CRISP2: variants seen among roughly 807,000 people sequenced by gnomAD.
The protein encoded by CRISP2 is cysteine-rich secretory protein 2.
Under a neutral mutation model 31.7 loss-of-function variants are expected in CRISP2, and 29 were observed. The observed-to-expected ratio is 0.92, with a 90% CI of 0.68 to 1.25. The LOEUF (loss-of-function observed/expected upper bound fraction) is 1.25, where lower values mean the gene tolerates loss of function less well. Ranked by LOEUF, CRISP2 falls within the 50% of genes most tolerant of loss-of-function variation. CRISP2 has a pLI of 0.00. For missense variants in CRISP2, 318 were observed against 286.5 expected (o/e 1.11, Z -0.79); for synonymous variants, 111 against 101.4 (o/e 1.09, Z -0.57).
chr6:49,708,679 G>A (rs1767481828), intron 4 of CRISP2, among the ~76,000 whole-genome samples: 1 of 152,162 alleles, frequency 6.6e-6, no homozygotes, highest in African/African-American at 2.4e-5. Context: ...CCATAACTGT[G>A]AGAGAATAAG....
chr6:49,700,221 A>G (rs1765433983), intron 5 of CRISP2, among the ~76,000 whole-genome samples: 1 of 152,168 alleles, frequency 6.6e-6, no homozygotes, highest in African/African-American at 2.4e-5. Flanking sequence ...TAATAGTAAT[A>G]AGATGGCCAA....
chr6:49,696,275 A>G (rs1764730777), intron 8 of CRISP2, among the ~76,000 whole-genome samples: 1 of 152,160 alleles, frequency 6.6e-6, no homozygotes, highest in Non-Finnish European at 1.5e-5. Context: ...GGGGTAAAAC[A>G]TCCTGTAGAG....
chr6:49,685,695 A>G, the CRISP2 span, among the ~76,000 whole-genome samples: 1 of 152,182 alleles, frequency 6.6e-6, no homozygotes, highest in Admixed American at 6.5e-5. Context: ...ATTTGTTTGC[A>G]GTTTTTATCT....
chr6:49,680,507 G>C, the CRISP2 span, among the ~76,000 whole-genome samples: 3 of 152,000 alleles, frequency 2.0e-5, no homozygotes, highest in Admixed American at 2.0e-4. Context: ...TATTCCTTTG[G>C]GTATATACCC....
downstream of CRISP2, among the ~76,000 whole-genome samples, chr6:49,689,874 A>G (rs1763994920): frequency 6.6e-6 from 1 of 152,086 alleles, no homozygotes; most frequent in Non-Finnish European, 1.5e-5. Context: ...TTCTTTCCAG[A>G]GAGAAACCAA....
At chr6:49,682,577 CTTTCTTTCTTTT>C in the CRISP2 span, among the ~76,000 whole-genome samples, 1,997 of 97,618 alleles carry the variant, frequency 0.02, 68 homozygotes, top group African/African-American at 0.074. Flanking sequence ...CTTTCTTTTT[CTTTCTTTCTTTT>C]TCTTTCTTTC....
At chr6:49,691,207 TTC>T (rs2127379662), downstream of CRISP2, among the ~76,000 whole-genome samples, 1 of 152,186 alleles carries the variant, frequency 6.6e-6, no homozygotes, top group Non-Finnish European at 1.5e-5. Flanking sequence ...AAGTGGAATA[TTC>T]TGTTTGCTTC....
the CRISP2 span, among the ~76,000 whole-genome samples, chr6:49,677,898 T>C: frequency 0.52 from 78,798 of 151,876 alleles, 20,768 homozygotes; most frequent in East Asian, 0.77. Flanking sequence ...TGGTATTCAA[T>C]TGTAAATTCT....
In CRISP2 at chr6:49,692,733, C is replaced by A; in HGVS notation, c.*40G>T. On this transcript the variant is annotated 3_prime_UTR_variant, in exon 10 of 10. Transcript: ENST00000339139. Reference sequence around the variant, plus strand: ...GGTATGTCGCAATTAAATGATGCAGCCCTTATCCATGCAGTCTTGCACAAT... The same window carrying A: ...GGTATGTCGCAATTAAATGATGCAGACCTTATCCATGCAGTCTTGCACAAT... 1 of 1,573,498 alleles carries A rather than the reference C, an allele frequency of 6.4e-7. No individual in the cohort carries two copies. Among genetic ancestry groups the A allele is most frequent in the Non-Finnish European group, 8.7e-7 (1 of 1,152,096 alleles).
downstream of CRISP2, among the ~76,000 whole-genome samples, chr6:49,687,756 C>T (rs964518034): frequency 2.6e-5 from 4 of 152,136 alleles, no homozygotes; most frequent in East Asian, 1.9e-4. Context: ...TTAAGTTTCA[C>T]GATCACACAA....
chr6:49,690,107 T>C (rs1764001817), downstream of CRISP2, among the ~76,000 whole-genome samples: 1 of 152,160 alleles, frequency 6.6e-6, no homozygotes, highest in African/African-American at 2.4e-5. Context: ...CAAAAAAGTT[T>C]TTAATATTCT....
chr6:49,689,584 T>A (rs1042791167), downstream of CRISP2, among the ~76,000 whole-genome samples: 2 of 152,134 alleles, frequency 1.3e-5, no homozygotes, highest in Non-Finnish European at 2.9e-5. Flanking sequence ...AAAATAGGTA[T>A]AAAAATTTCT....
At chr6:49,685,366 T>A in the CRISP2 span, among the ~76,000 whole-genome samples, 1 of 152,302 alleles carries the variant, frequency 6.6e-6, no homozygotes, top group Non-Finnish European at 1.5e-5. Context: ...TATTTCCTAC[T>A]TCTAAAATTA....
chr6:49,701,716 A>ATGTATACATT (rs1434401055), intron 4 of CRISP2, among the ~76,000 whole-genome samples: 9 of 61,874 alleles, frequency 1.5e-4, no homozygotes, highest in African/African-American at 5.3e-4. Context: ...ATACATATAT[A>ATGTATACATT]ATGTATATAT....
At chr6:49,678,210 A>G in the CRISP2 span, among the ~76,000 whole-genome samples, 2 of 152,196 alleles carry the variant, frequency 1.3e-5, no homozygotes, top group African/African-American at 4.8e-5. Flanking sequence ...ATCAGTATGG[A>G]TCTACAGGGT....
chr6:49,692,257 G>A (rs1157593812), downstream of CRISP2: 4 of 95,962 alleles, frequency 4.2e-5, no homozygotes, highest in Non-Finnish European at 6.1e-5. Context: ...ATTATGAATG[G>A]TATAAATATT....
At position 49,697,932 on chromosome 6, in the gene CRISP2, A is replaced by G. The variant is rs972629265; in HGVS notation, c.443T>C (p.Val148Ala). 2.5e-5 allele frequency: 41 copies of G among 1,608,486 alleles called. No individual in the cohort carries two copies. The highest frequency in any genetic ancestry group is 3.5e-5 in the Non-Finnish European group (41 of 1,177,662). ...GGGACAGTAGGCAATTCCACAGCCT[A>G]CCTGGTAAGTCGAGTACCAAACAAG... is the stretch of plus-strand genomic sequence containing the variant. ...TQLVWYSTYQ[V>A]GCGIAYCPNQ... is the part of the protein sequence containing the mutation. The change falls in exon 8 of 10, where the codon GTA becomes GCA. Residue 148 changes from valine (V) to alanine (A), a missense_variant. Coordinates refer to ENST00000339139, the MANE Select transcript of CRISP2 (RefSeq NM_003296.4).
At chr6:49,704,194 CAGG>C (rs1425765715) in intron 4 of CRISP2, among the ~76,000 whole-genome samples, 2 of 151,924 alleles carry the variant, frequency 1.3e-5, no homozygotes, top group African/African-American at 4.8e-5. Flanking sequence ...GTCTCATTTC[CAGG>C]AGTTGTGATT....
the CRISP2 span, among the ~76,000 whole-genome samples, chr6:49,687,348 A>G: frequency 6.6e-6 from 1 of 152,240 alleles, no homozygotes; most frequent in Non-Finnish European, 1.5e-5. Context: ...TAGCATATGT[A>G]GTATAAACGT....
Sources: gnomAD v4.1 joint callset for allele counts (sites outside exome capture counted in the v4.1 genomes callset) on GRCh38, gnomAD v4.1.1 for gene constraint, MANE v1.5 for transcripts, NCBI Gene and HGNC (gene_info 2026-07-23, HGNC 2026-07-21) for gene names.